Variants in SLC7A3 observed in about 807,000 individuals in gnomAD.
The protein encoded by SLC7A3 is solute carrier family 7 member 3.
A neutral mutation model predicts 33.2 loss-of-function variants in SLC7A3; 3 were observed. The observed-to-expected ratio is 0.09, with a 90% CI of 0.04 to 0.23. The LOEUF is 0.23. Ranked by LOEUF, SLC7A3 falls within the 10% of genes least tolerant of loss-of-function variation. The pLI is 1.00. For missense variants in SLC7A3, 360 were observed against 488.8 expected (o/e 0.74, Z 2.48); for synonymous variants, 193 against 195.1 (o/e 0.99, Z 0.09).
At chrX:70,927,110 CT>C (rs1404534253) in intron 8 of SLC7A3, 69 bp from the exon 9 acceptor site, 4 of 1,130,121 alleles carry the variant, frequency 3.5e-6, no homozygotes, top group Non-Finnish European at 4.8e-6. Context: ...TCCCAGGCAG[CT>C]TAACCTTCCT....
In SLC7A3 at chrX:70,926,643, A is replaced by C. The variant is rs1166641163; in HGVS notation, c.1504T>G (p.Leu502Val). 2.5e-6 allele frequency: 3 copies of C among 1,191,574 alleles called. No individual in the cohort carries two copies. The African/African-American group carries it at 5.3e-5, about 21-fold the overall frequency. ...CLVLAQWSVPLLSGDLLWTAV... is the reference protein window; with the variant it reads ...CLVLAQWSVPVLSGDLLWTAV... The stretch of plus-strand genomic sequence containing the variant: ...GTCCACAGCAGGTCTCCAGAAAGCA[A>C]TGGAACTGACCACTGGGCCAGCACC... The change falls in exon 10 of 12, where the codon TTG (leucine) becomes GTG (valine). Residue 502 changes from leucine to valine, a missense_variant. By Grantham distance (32) the Leu-to-Val change is conservative. Transcript: ENST00000374299.
Position 70,931,022 on chromosome X carries a change from C to T in SLC7A3, c.-71G>A, listed in dbSNP as rs946053613. 3.6e-5 allele frequency: 4 copies of T among 111,275 alleles called. No individual in the cohort carries two copies. The highest frequency in any genetic ancestry group is 1.9e-4 in the Admixed American group (2 of 10,523). 9.2% of individuals were successfully genotyped at this position (111,275 alleles called of 1,213,427 possible). On this transcript the variant is annotated 5_prime_UTR_variant, in exon 1 of 12. Transcript: ENST00000374299. ...AGGGAGCACAGAGTCTTGGACTGGG[C>T]TCGGTGAGGCGGAGTTAAGCCGAGT...
chrX:70,925,974 G>C, intron 11 of SLC7A3, 31 bp from the exon 12 acceptor site: 1 of 1,210,671 alleles, frequency 8.3e-7, no homozygotes, highest in Non-Finnish European at 1.1e-6. Context: ...TGAGGTGGGG[G>C]TGTAAAGGCT....
chrX:70,928,039 G>C lies in SLC7A3; in HGVS notation c.821-19C>G, dbSNP rs778005040. ...TCTTCTCCTGAAGGAAGGGCGTAAG[G>C]TTCTAAATTAGGGAAGCAGGCCCAC... is the stretch of plus-strand genomic sequence containing the variant. On this transcript the variant is annotated intron_variant, in intron 5 of 11. Coordinates refer to ENST00000374299, the MANE Select transcript of SLC7A3 (RefSeq NM_032803.6). 9.1e-6 allele frequency: 11 copies of C among 1,204,319 alleles called. No homozygotes were observed. The highest frequency in any genetic ancestry group is 1.8e-5 in the South Asian group (1 of 56,362).
Position 70,925,755 on chromosome X carries a change from G to A in SLC7A3, c.*58C>T. 1 of 1,191,786 alleles carries A rather than the reference G, an allele frequency of 8.4e-7. No homozygotes were observed. Among genetic ancestry groups the A allele is most frequent in the East Asian group, 3.0e-5 (1 of 33,719 alleles). The stretch of plus-strand genomic sequence containing the variant: ...CAGGGGAGGGCTAGCTGTCACTGGG[G>A]TCAGGAGTACTCTCCATTATTGTGC... On this transcript the variant is annotated 3_prime_UTR_variant, in exon 12 of 12. Transcript: ENST00000374299.
Position 70,930,020 on chromosome X carries a change from G to T in SLC7A3, c.-23C>A. On this transcript the variant is annotated splice_region_variant and 5_prime_UTR_variant, in exon 2 of 12. Coordinates refer to ENST00000374299, the MANE Select transcript of SLC7A3 (RefSeq NM_032803.6). ...CATCCTAGCAGGAATTGAAGAAGAT[G>T]ATCTGGTGAAAAACAAGACAAAAAC... The T allele has an allele frequency of 8.5e-7, 1 of 1,181,451 alleles. No individual in the cohort carries two copies. The highest frequency in any genetic ancestry group is 1.1e-6 in the Non-Finnish European group (1 of 878,368).
chrX:70,927,297 C>G lies in SLC7A3; in HGVS notation c.1271G>C (p.Cys424Ser), dbSNP rs1355237266. The G allele has an allele frequency of 8.3e-7, 1 of 1,210,048 alleles. No individual in the cohort carries two copies. The highest frequency in any genetic ancestry group is 1.8e-5 in the South Asian group (1 of 56,616). Reference protein sequence around the residue: ...TLLAYSLVSICVLILRYQPDQ... With the variant: ...TLLAYSLVSISVLILRYQPDQ... ...AGAGTCTCACCTGAGGATGAGAACACAAATCGACACCAGGGAGTAAGCAAG... is the reference window on the plus strand; with the variant it reads ...AGAGTCTCACCTGAGGATGAGAACAGAAATCGACACCAGGGAGTAAGCAAG... The change falls in exon 8 of 12, where the codon TGT (cysteine) becomes TCT (serine). Residue 424 changes from cysteine to serine, a missense_variant. Physicochemically the swap from Cys to Ser is moderately radical, Grantham distance 112 (BLOSUM62 -1). Transcript: ENST00000374299.
intron 1 of SLC7A3, among the ~76,000 whole-genome samples, chrX:70,930,259 C>G (rs1361338336): frequency 8.9e-6 from 1 of 111,931 alleles, no homozygotes; most frequent in African/African-American, 3.2e-5. Flanking sequence ...CACGTGAAAG[C>G]CCCCTGAAGT....
chrX:70,928,584 G>A lies in SLC7A3; in HGVS notation c.579C>T (p.Phe193=). ...CAAGAACCAAAAGGTTCACGCCTGTGAACACTTTGGTAACCAGGGCCGACT... is the reference window on the plus strand; with the variant it reads ...CAAGAACCAAAAGGTTCACGCCTGTAAACACTTTGGTAACCAGGGCCGACT... ...ASESALVTKV[F]TGVNLLVLGF... Residue 193 remains phenylalanine (F), a synonymous_variant, in exon 4 of 12, where the codon TTC becomes TTT. Transcript: ENST00000374299. The A allele has an allele frequency of 8.3e-7, 1 of 1,207,240 alleles. No individual in the cohort carries two copies. Among genetic ancestry groups the A allele is most frequent in the Non-Finnish European group, 1.1e-6 (1 of 893,423 alleles).
rs41310635 is a variant in SLC7A3, at chrX:70,926,184, A to G, written c.1621-6T>C. 0.14 allele frequency: 168,168 copies of G among 1,187,040 alleles called. 10,726 individuals are homozygous for G. Among genetic ancestry groups the G allele is most frequent in the Admixed American group, 0.42 (18,776 of 44,720 alleles). ...AGGAGAGGCAAAGCAGGCACCTGAA[A>G]ACAAAGTAAAATCTTCTTTGTACAT... On this transcript the variant is annotated splice_region_variant and splice_polypyrimidine_tract_variant and intron_variant, in intron 10 of 11. Transcript: ENST00000374299.
Position 70,927,584 on chromosome X carries a change from G to A in SLC7A3, c.1083C>T (p.Tyr361=), listed in dbSNP as rs192462330. Residue 361 remains tyrosine, a synonymous_variant, in exon 7 of 12, where the codon TAC becomes TAT. Transcript: ENST00000374299. ...GSMFPMPRVI[Y]AMAEDGLLFR... is the part of the protein sequence containing the mutation. Reference sequence around the variant, plus strand: ...ACAGGAGGCCATCCTCTGCCATCGCGTAGATCACCCGAGGCATGGGGAACA... The same window carrying A: ...ACAGGAGGCCATCCTCTGCCATCGCATAGATCACCCGAGGCATGGGGAACA... 6.9e-5 allele frequency: 84 copies of A among 1,208,653 alleles called. No homozygotes were observed. The African/African-American group carries it at 1.0e-3, about 15-fold the overall frequency.
Position 70,929,879 on chromosome X carries a change from A to T in SLC7A3, c.119T>A (p.Leu40Gln). The T allele has an allele frequency of 8.3e-7, 1 of 1,211,636 alleles. No individual in the cohort carries two copies. Among genetic ancestry groups the T allele is most frequent in the Non-Finnish European group, 1.1e-6 (1 of 895,402 alleles). ...TGCACCCAATGTGCTGCCCACACCC[A>T]GGGCCACTAAATCCAGGGTGCTTAG... ...RCLSTLDLVA[L>Q]GVGSTLGAGV... The change falls in exon 2 of 12, where the codon CTG becomes CAG. Residue 40 changes from leucine to glutamine, a missense_variant. Transcript: ENST00000374299.
chrX:70,929,651 T>C lies in SLC7A3; in HGVS notation c.347A>G (p.Asn116Ser), dbSNP rs1280014330. The C allele has an allele frequency of 8.3e-7, 1 of 1,207,435 alleles. No homozygotes were observed. Among genetic ancestry groups the C allele is most frequent in the Non-Finnish European group, 1.1e-6 (1 of 894,219 alleles). ...ACCAATGACATAGGAGAGGATGAGG[T>C]TCCAGCCAGTGGTGAAGGCCCAGAG... ...GELWAFTTGWNLILSYVIGTA... is the reference protein window; with the variant it reads ...GELWAFTTGWSLILSYVIGTA... Residue 116 changes from asparagine (N) to serine (S), a missense_variant, in exon 2 of 12, where the codon AAC becomes AGC. Physicochemically the swap from Asn to Ser is conservative, Grantham distance 46 (BLOSUM62 1). Transcript: ENST00000374299.
rs770215359 is a variant in SLC7A3 at position 70,929,974 on chromosome X, T to G, written c.24A>C (p.Arg8Ser). 1.7e-6 allele frequency: 2 copies of G among 1,201,350 alleles called. No homozygotes were observed. The highest frequency in any genetic ancestry group is 2.3e-6 in the Non-Finnish European group (2 of 888,184). ...GTCTGCGTACCAGCTTTTGACCAAA[T>G]CTGCGAAATGCTTGCCACGGCATCC... MPWQAFR[R>S]FGQKLVRRRT... is the part of the protein sequence containing the mutation. Residue 8 changes from arginine to serine, a missense_variant, in exon 2 of 12, where the codon AGA becomes AGC. Physicochemically the swap from Arg to Ser is moderately radical, Grantham distance 110 (BLOSUM62 -1). Transcript: ENST00000374299.
chrX:70,928,250 G>A lies in SLC7A3; in HGVS notation c.715C>T (p.Pro239Ser). The A allele has an allele frequency of 1.7e-6, 2 of 1,208,476 alleles. No individual in the cohort carries two copies. The highest frequency in any genetic ancestry group is 3.5e-5 in the South Asian group (2 of 56,807). ...GGCACAAATCCTCCAGAGCCCAGAGGACCCAAGCTAGAGTGGAAGAAGGGT... is the reference window on the plus strand; with the variant it reads ...GGCACAAATCCTCCAGAGCCCAGAGAACCCAAGCTAGAGTGGAAGAAGGGT... Reference protein sequence around the residue: ...AELNDTYSLGPLGSGGFVPFG... With the variant: ...AELNDTYSLGSLGSGGFVPFG... Residue 239 changes from proline (P) to serine (S), a missense_variant, in exon 5 of 12, where the codon CCT becomes TCT. Transcript: ENST00000374299.
chrX:70,928,628 A>C lies in SLC7A3; in HGVS notation c.535T>G (p.Leu179Val). 1 of 1,199,876 alleles carries C rather than the reference A, an allele frequency of 8.3e-7. No individual in the cohort carries two copies. The change falls in exon 4 of 12, where the codon TTG (leucine) becomes GTG (valine). Residue 179 changes from leucine (L) to valine (V), a missense_variant. By Grantham distance (32) the Leu-to-Val change is conservative. Transcript: ENST00000374299. ...LGLVLLLTGL[L>V]ALGASESALV... Reference sequence around the variant, plus strand: ...GCCGACTCACTAGCCCCGAGAGCCAACAATCCTGTGGGAGAAATGCATTCA... The same window carrying C: ...GCCGACTCACTAGCCCCGAGAGCCACCAATCCTGTGGGAGAAATGCATTCA...
Position 70,929,638 on chromosome X carries a change from G to A in SLC7A3, c.360C>T (p.Ser120=). 8.3e-7 allele frequency: 1 copy of A among 1,208,695 alleles called. No homozygotes were observed. The highest frequency in any genetic ancestry group is 1.1e-6 in the Non-Finnish European group (1 of 894,082). Residue 120 remains serine, a synonymous_variant, in exon 2 of 12, where the codon TCC becomes TCT. Coordinates refer to ENST00000374299, the MANE Select transcript of SLC7A3 (RefSeq NM_032803.6). ...CCCACCATATCTCACCAATGACATA[G>A]GAGAGGATGAGGTTCCAGCCAGTGG... ...AFTTGWNLIL[S]YVIGTASVAR...
At chrX:70,929,533 C>T in intron 2 of SLC7A3, 95 bp downstream of exon 2, 1 of 1,048,528 alleles carries the variant, frequency 9.5e-7, no homozygotes, top group Non-Finnish European at 1.3e-6. Context: ...GATTGAGGTC[C>T]TGTGAATAAT....
At position 70,927,563 on chromosome X, in the gene SLC7A3, G is replaced by A. The variant is rs769747915; in HGVS notation, c.1104C>T (p.Leu368=). ...RVIYAMAEDG[L]LFRVLARIHT... The stretch of plus-strand genomic sequence containing the variant: ...GGATCCGAGCAAGTACACGGAACAG[G>A]AGGCCATCCTCTGCCATCGCGTAGA... The change falls in exon 7 of 12, where the codon CTC becomes CTT. Residue 368 remains leucine, a synonymous_variant. Coordinates refer to ENST00000374299, the MANE Select transcript of SLC7A3 (RefSeq NM_032803.6). 8.3e-7 allele frequency: 1 copy of A among 1,208,806 alleles called. No individual in the cohort carries two copies. The highest frequency in any genetic ancestry group is 2.2e-5 in the Admixed American group (1 of 45,643).
Sources: gnomAD v4.1 joint callset for allele counts (sites outside exome capture counted in the v4.1 genomes callset) on GRCh38, gnomAD v4.1.1 for gene constraint, MANE v1.5 for transcripts, NCBI Gene and HGNC (gene_info 2026-07-23, HGNC 2026-07-21) for gene names.